Variants in SGMS1 observed in about 807,000 individuals in gnomAD.
The protein encoded by SGMS1 is phosphatidylcholine:ceramide cholinephosphotransferase 1.
In SGMS1, 13 loss-of-function variants were observed where a neutral mutation model predicts 46.2. The observed-to-expected ratio is 0.28, with a 90% CI of 0.18 to 0.45. The LOEUF (loss-of-function observed/expected upper bound fraction) is 0.45. Ranked by LOEUF, SGMS1 falls within the 20% of genes least tolerant of loss-of-function variation. SGMS1 has a pLI of 1.00. For synonymous variants in SGMS1, 203 were observed against 187.8 expected (o/e 1.08, Z -0.66); for missense variants, 324 against 519.9 (o/e 0.62, Z 3.66).
intron 3 of SGMS1, chr10:50,473,973 A>T (rs1320384064): frequency 6.6e-6 from 1 of 152,222 alleles, no homozygotes; most frequent in African/African-American, 2.4e-5. Context: ...GAATCAAGAA[A>T]CCCTAAAGGA....
At chr10:50,504,275 G>A (rs1378131454) in intron 3 of SGMS1, among the ~76,000 whole-genome samples, 1 of 152,164 alleles carries the variant, frequency 6.6e-6, no homozygotes, top group Non-Finnish European at 1.5e-5. Context: ...GGTGGTGCCT[G>A]AGAATCTATA....
chr10:50,313,588 C>T (rs1171426577), intron 8 of SGMS1, among the ~76,000 whole-genome samples: 2 of 152,036 alleles, frequency 1.3e-5, no homozygotes, highest in Non-Finnish European at 2.9e-5. Context: ...AAAGTTTGGT[C>T]CAGTTCTGTT....
chr10:50,338,945 T>C (rs1236737945), intron 7 of SGMS1, among the ~76,000 whole-genome samples: 1 of 152,084 alleles, frequency 6.6e-6, no homozygotes, highest in African/African-American at 2.4e-5. Flanking sequence ...CTCCAAGTTG[T>C]GAGGCTGGTC....
intron 2 of SGMS1, among the ~76,000 whole-genome samples, chr10:50,544,542 T>C (rs1564428383): frequency 6.6e-6 from 1 of 152,222 alleles, no homozygotes; most frequent in Non-Finnish European, 1.5e-5. Flanking sequence ...ACTTTTTCCT[T>C]AATAAATTAA....
chr10:50,566,766 C>G (rs537446151), intron 2 of SGMS1, among the ~76,000 whole-genome samples: 1 of 152,338 alleles, frequency 6.6e-6, no homozygotes, highest in African/African-American at 2.4e-5. Context: ...CTGGCAGACA[C>G]AAAATCTACA....
At chr10:50,326,690 G>A (rs1423598714) in intron 8 of SGMS1, among the ~76,000 whole-genome samples, 2 of 152,086 alleles carry the variant, frequency 1.3e-5, no homozygotes, top group African/African-American at 2.4e-5. Flanking sequence ...GAGGAATAAA[G>A]TTTATTTTTA....
At chr10:50,527,296 G>A (rs1343706840) in intron 2 of SGMS1, among the ~76,000 whole-genome samples, 1 of 152,118 alleles carries the variant, frequency 6.6e-6, no homozygotes, top group African/African-American at 2.4e-5. Context: ...ACCAACACTT[G>A]TGGAATATTC....
intron 1 of SGMS1, among the ~76,000 whole-genome samples, chr10:50,620,212 G>A (rs1425757576): frequency 6.6e-6 from 1 of 152,170 alleles, no homozygotes; most frequent in Non-Finnish European, 1.5e-5. Flanking sequence ...ACATCCAAGT[G>A]GGCTGATCCA....
chr10:50,408,456 C>CAAAAAAAAAAACA (rs1480701078), intron 6 of SGMS1, among the ~76,000 whole-genome samples: 1 of 117,146 alleles, frequency 8.5e-6, no homozygotes, highest in Non-Finnish European at 1.8e-5. Flanking sequence ...AAAAAAAAAA[C>CAAAAAAAAAAACA]AAAATAAAAA....
At chr10:50,579,947 G>A (rs1239297964) in intron 2 of SGMS1, among the ~76,000 whole-genome samples, 2 of 152,180 alleles carry the variant, frequency 1.3e-5, no homozygotes, top group Non-Finnish European at 2.9e-5. Context: ...TCTCCGAGAT[G>A]TAATTGATAA....
intron 3 of SGMS1, among the ~76,000 whole-genome samples, chr10:50,479,968 C>T (rs1837461492): frequency 6.6e-6 from 1 of 152,096 alleles, no homozygotes; most frequent in African/African-American, 2.4e-5. Context: ...TTAAAGGGCT[C>T]TAATTAGGAA....
At chr10:50,487,682 A>C (rs1262493267) in intron 3 of SGMS1, among the ~76,000 whole-genome samples, 1 of 152,162 alleles carries the variant, frequency 6.6e-6, no homozygotes, top group Non-Finnish European at 1.5e-5. Context: ...GAACACATGA[A>C]TGTACTTCTA....
intron 2 of SGMS1, among the ~76,000 whole-genome samples, chr10:50,540,113 G>A (rs1350155407): frequency 6.6e-6 from 1 of 152,082 alleles, no homozygotes; most frequent in Non-Finnish European, 1.5e-5. Context: ...TATTAGACTG[G>A]CATGAAAATT....
At chr10:50,373,039 T>C (rs1044531983) in intron 6 of SGMS1, among the ~76,000 whole-genome samples, 10 of 152,222 alleles carry the variant, frequency 6.6e-5, no homozygotes, top group Non-Finnish European at 1.0e-4. Flanking sequence ...ATCTTCCACA[T>C]AAAATTTAGC....
intron 3 of SGMS1, among the ~76,000 whole-genome samples, chr10:50,491,658 G>A (rs983541828): frequency 6.6e-6 from 1 of 152,154 alleles, no homozygotes; most frequent in African/African-American, 2.4e-5. Flanking sequence ...CGAACTCTGA[G>A]ATTGAAGCAG....
intron 2 of SGMS1, among the ~76,000 whole-genome samples, chr10:50,520,734 G>C (rs1443994689): frequency 6.6e-6 from 1 of 152,168 alleles, no homozygotes; most frequent in African/African-American, 2.4e-5. Flanking sequence ...GAATGGCTTT[G>C]CATGCTAAGT....
chr10:50,620,496 A>T (rs1309700912), intron 1 of SGMS1, among the ~76,000 whole-genome samples: 2 of 152,242 alleles, frequency 1.3e-5, no homozygotes, highest in African/African-American at 2.4e-5. Flanking sequence ...AGTGGTGGGA[A>T]AGTGTATATG....
intron 5 of SGMS1, among the ~76,000 whole-genome samples, chr10:50,458,233 T>TA (rs1837217175): frequency 6.6e-6 from 1 of 152,022 alleles, no homozygotes; most frequent in African/African-American, 2.4e-5. Flanking sequence ...GTTTATGATC[T>TA]AAATGTCATC....
intron 7 of SGMS1, among the ~76,000 whole-genome samples, chr10:50,332,732 C>T (rs1387539744): frequency 6.7e-6 from 1 of 149,746 alleles, no homozygotes; most frequent in African/African-American, 2.5e-5. Flanking sequence ...AAGCAATCCT[C>T]CTGCCTCAGC....
Sources: gnomAD v4.1 joint callset for allele counts (sites outside exome capture counted in the v4.1 genomes callset) on GRCh38, gnomAD v4.1.1 for gene constraint, MANE v1.5 for transcripts, NCBI Gene and HGNC (gene_info 2026-07-23, HGNC 2026-07-21) for gene names.